Variants in KCNIP4 observed in about 807,000 individuals in gnomAD.
KCNIP4 encodes potassium voltage-gated channel interacting protein 4.
KCNIP4 carries 12 observed loss-of-function variants against 34.0 expected under a neutral mutation model. That is an observed-to-expected ratio of 0.35 (90% confidence interval 0.23 to 0.57). The LOEUF (loss-of-function observed/expected upper bound fraction) is 0.57, where lower values mean the gene tolerates loss of function less well. Among genes scored for constraint, KCNIP4 ranks in the 20% least tolerant of loss-of-function variants. The pLI, the probability that KCNIP4 is intolerant of heterozygous loss-of-function variation, is 0.83. For synonymous variants in KCNIP4, 124 were observed against 102.2 expected (o/e 1.21, Z -1.29); for missense variants, 238 against 311.7 (o/e 0.76, Z 1.78).
At chr4:21,131,588 C>A (rs1032892157) in intron 1 of KCNIP4, among the ~76,000 whole-genome samples, 2 of 151,816 alleles carry the variant, frequency 1.3e-5, no homozygotes, top group African/African-American at 4.8e-5. Flanking sequence ...CCAGCCTGGG[C>A]GACAGAAGGA....
intron 1 of KCNIP4, among the ~76,000 whole-genome samples, chr4:21,479,454 C>T (rs553073316): frequency 2.2e-4 from 33 of 152,096 alleles, no homozygotes; most frequent in African/African-American, 6.7e-4. Flanking sequence ...GGAGTGTACA[C>T]GGCATGATTA....
chr4:21,063,318 C>A (rs74815688), intron 1 of KCNIP4, among the ~76,000 whole-genome samples: 12,027 of 152,234 alleles, frequency 0.079, 573 homozygotes, highest in Admixed American at 0.13. Flanking sequence ...CTATTCTACA[C>A]TAAAGTTAAA....
chr4:21,719,254 C>A (rs192373739), intron 1 of KCNIP4, among the ~76,000 whole-genome samples: 1 of 152,064 alleles, frequency 6.6e-6, no homozygotes, highest in East Asian at 1.9e-4. Context: ...TATCAGACAC[C>A]CAGGAACTCT....
chr4:21,605,194 A>C (rs916421506), intron 1 of KCNIP4, among the ~76,000 whole-genome samples: 1 of 152,216 alleles, frequency 6.6e-6, no homozygotes, highest in Admixed American at 6.5e-5. Context: ...GGACAATGCC[A>C]TCTGGTTTGC....
At chr4:20,833,428 T>C (rs1718662766) in intron 3 of KCNIP4, among the ~76,000 whole-genome samples, 1 of 152,014 alleles carries the variant, frequency 6.6e-6, no homozygotes, top group Admixed American at 6.6e-5. Context: ...GAGATTGCAG[T>C]GCGCCGACAT....
At chr4:21,694,430 A>C (rs1712034971) in intron 1 of KCNIP4, among the ~76,000 whole-genome samples, 2 of 152,188 alleles carry the variant, frequency 1.3e-5, no homozygotes, top group Admixed American at 1.3e-4. Flanking sequence ...ATAACAAATA[A>C]ACTTTTAAAA....
intron 1 of KCNIP4, among the ~76,000 whole-genome samples, chr4:21,822,970 GC>G (rs1722454068): frequency 6.6e-6 from 1 of 151,956 alleles, no homozygotes; most frequent in Non-Finnish European, 1.5e-5. Flanking sequence ...ACCCTCTTCA[GC>G]CTCCCAAAGT....
chr4:21,474,906 C>G (rs1730805090), intron 1 of KCNIP4, among the ~76,000 whole-genome samples: 1 of 149,696 alleles, frequency 6.7e-6, no homozygotes, highest in South Asian at 2.1e-4. Context: ...GAGGCTGAGG[C>G]AGGACAATCG....
intron 1 of KCNIP4, among the ~76,000 whole-genome samples, chr4:21,126,623 AAAAAAAAAAG>A (rs1750635374): frequency 7.3e-6 from 1 of 137,756 alleles, no homozygotes; most frequent in Non-Finnish European, 1.6e-5. Flanking sequence ...ATAGCAAAAA[AAAAAAAAAAG>A]AAAAGAAAAA....
intron 1 of KCNIP4, among the ~76,000 whole-genome samples, chr4:21,038,930 A>G (rs889942832): frequency 1.3e-5 from 2 of 152,004 alleles, no homozygotes; most frequent in African/African-American, 4.8e-5. Flanking sequence ...TCCACAGTGA[A>G]AAAAGCATCC....
chr4:21,751,482 A>T (rs1717148020), intron 1 of KCNIP4, among the ~76,000 whole-genome samples: 1 of 152,154 alleles, frequency 6.6e-6, no homozygotes, highest in Non-Finnish European at 1.5e-5. Flanking sequence ...TATTCATTTT[A>T]AAATATGACC....
At chr4:20,905,101 T>A (rs1421300140) in intron 1 of KCNIP4, among the ~76,000 whole-genome samples, 1 of 152,230 alleles carries the variant, frequency 6.6e-6, no homozygotes, top group African/African-American at 2.4e-5. Flanking sequence ...TTGCTAGGGC[T>A]GCTCTAATAA....
intron 1 of KCNIP4, among the ~76,000 whole-genome samples, chr4:20,993,886 G>C (rs1426956326): frequency 6.6e-6 from 1 of 152,126 alleles, no homozygotes. Context: ...ATCTAGGAGG[G>C]AATCAATTTT....
chr4:21,392,629 C>A (rs557576562), intron 1 of KCNIP4, among the ~76,000 whole-genome samples: 17 of 152,320 alleles, frequency 1.1e-4, no homozygotes, highest in African/African-American at 4.1e-4. Context: ...TGTTTGATAA[C>A]TGTTTGATCT....
chr4:21,141,688 A>C (rs952177941), intron 1 of KCNIP4, among the ~76,000 whole-genome samples: 1 of 152,184 alleles, frequency 6.6e-6, no homozygotes, highest in Non-Finnish European at 1.5e-5. Flanking sequence ...TCTTTTATTG[A>C]AATGTACACT....
chr4:20,797,044 C>T (rs1026962964), intron 3 of KCNIP4, among the ~76,000 whole-genome samples: 4 of 152,200 alleles, frequency 2.6e-5, no homozygotes, highest in African/African-American at 9.6e-5. Flanking sequence ...TTTCCCTTCA[C>T]CAACCTTTAC....
rs184769070 is a variant in KCNIP4 at position 21,784,674 on chromosome 4, A to G, written c.61+163897T>C. On this transcript the variant is annotated intron_variant, in intron 1 of 8. Coordinates refer to ENST00000382152, the MANE Select transcript of KCNIP4 (RefSeq NM_025221.6). The stretch of plus-strand genomic sequence containing the variant: ...AGCCAAACATTTTATCCTCAAAGAT[A>G]TATCTTTATTTGGAACATTCTGACG... Among the ~76,000 whole-genome samples the G allele has an allele frequency of 3.3e-5, 5 of 152,322 alleles. No individual in the cohort carries two copies. In the East Asian group the frequency reaches 9.7e-4, roughly 29 times the overall value.
At chr4:21,265,665 AG>A (rs1182317463) in intron 1 of KCNIP4, among the ~76,000 whole-genome samples, 5 of 152,202 alleles carry the variant, frequency 3.3e-5, no homozygotes, top group African/African-American at 1.2e-4. Context: ...TTGACCTCTG[AG>A]GCAAAGAGAT....
chr4:20,796,617 T>C (rs1190485164), intron 3 of KCNIP4, among the ~76,000 whole-genome samples: 4 of 151,924 alleles, frequency 2.6e-5, no homozygotes, highest in East Asian at 1.9e-4. Flanking sequence ...TTTTTTTTTT[T>C]TTTACCACTT....
Sources: allele counts gnomAD v4.1 joint callset (sites outside exome capture counted in the v4.1 genomes callset), GRCh38; gene constraint gnomAD v4.1.1; transcripts MANE v1.5; gene names NCBI Gene and HGNC (gene_info 2026-07-23, HGNC 2026-07-21).